The following ST6GALNAC3 variants were observed in gnomAD, a reference collection of about 807,000 sequenced individuals.
ST6GALNAC3 encodes alpha-N-acetylgalactosaminide alpha-2,6-sialyltransferase 3.
Under a neutral mutation model 32.7 loss-of-function variants are expected in ST6GALNAC3, and 25 were observed. That is an observed-to-expected ratio of 0.76 (90% CI 0.56 to 1.07). ST6GALNAC3 has a LOEUF of 1.07. Among genes scored for constraint, ST6GALNAC3 ranks in the 50% least tolerant of loss-of-function variants. The pLI is 0.00. For synonymous variants in ST6GALNAC3, 129 were observed against 133.1 expected, an observed-to-expected ratio of 0.97 and a Z score of 0.21; for missense variants, 355 against 382.4, an observed-to-expected ratio of 0.93 and a Z score of 0.60.
Position 76,082,266 on chromosome 1 carries a change from G to A in ST6GALNAC3, c.18+7382G>A, listed in dbSNP as rs541079830. Among the ~76,000 whole-genome samples, 6 of 152,308 alleles carry A rather than the reference G, an allele frequency of 3.9e-5. 1 individual carries two copies. The highest frequency in any genetic ancestry group is 9.6e-5 in the African/African-American group (4 of 41,564). On this transcript the variant is annotated intron_variant, in intron 1 of 4. Transcript: ENST00000328299. ...CTAATTGGAGGGAGTAGATTTACAA[G>A]TGCTACCTGGATCCCATTACCAAAA... is the stretch of plus-strand genomic sequence containing the variant.
At position 76,599,717 on chromosome 1, in the gene ST6GALNAC3, C is replaced by CTTGTGTGT. The variant is rs1180456019; in HGVS notation, c.624-27735_624-27734insTTGTGTGT. ...TATTTTATTCCTCCCACTACCGTAT[C>CTTGTGTGT]GTGTGTGTGTGTGTGTGTGTGTGTG... On this transcript the variant is annotated intron_variant, in intron 3 of 4. Coordinates refer to ENST00000328299, the MANE Select transcript of ST6GALNAC3 (RefSeq NM_152996.4). Among the ~76,000 whole-genome samples, 231 of 142,104 alleles carry CTTGTGTGT rather than the reference C, an allele frequency of 1.6e-3. 2 individuals carry two copies. The highest frequency in any genetic ancestry group is 5.6e-3 in the African/African-American group (219 of 38,846). The allele number at this position is 142,104 out of a possible 152,430, so 93.2% of individuals were successfully genotyped here. A position where few individuals can be genotyped will look rare whatever the true frequency, so the allele number is the denominator to read the frequency against.
intron 1 of ST6GALNAC3, among the ~76,000 whole-genome samples, chr1:76,146,628 C>G (rs557058369): frequency 3.9e-5 from 6 of 152,020 alleles, no homozygotes; most frequent in Non-Finnish European, 7.4e-5. Context: ...AGGATTTTTT[C>G]TTTTTCCCTC....
chr1:76,544,998 T>C (rs759658431), intron 3 of ST6GALNAC3, among the ~76,000 whole-genome samples: 1 of 152,216 alleles, frequency 6.6e-6, no homozygotes, highest in Non-Finnish European at 1.5e-5. Flanking sequence ...TCCTTATCTT[T>C]CTCATTTTGC....
intron 3 of ST6GALNAC3, among the ~76,000 whole-genome samples, chr1:76,573,937 T>C (rs965410036): frequency 6.6e-6 from 1 of 152,064 alleles, no homozygotes; most frequent in Non-Finnish European, 1.5e-5. Context: ...ATAGATAATT[T>C]TGTCTTTTTC....
At chr1:76,328,352 C>T (rs1253703272) in intron 2 of ST6GALNAC3, among the ~76,000 whole-genome samples, 1 of 152,084 alleles carries the variant, frequency 6.6e-6, no homozygotes, top group Non-Finnish European at 1.5e-5. Flanking sequence ...CATGAGCTAC[C>T]GTTAAACTGA....
chr1:76,081,408 G>A (rs1355948493), intron 1 of ST6GALNAC3, among the ~76,000 whole-genome samples: 1 of 152,096 alleles, frequency 6.6e-6, no homozygotes, highest in Non-Finnish European at 1.5e-5. Flanking sequence ...AAGCTATAGA[G>A]CTTGTCTTTT....
chr1:76,365,077 T>C (rs1487184429), intron 2 of ST6GALNAC3, among the ~76,000 whole-genome samples: 1 of 152,150 alleles, frequency 6.6e-6, no homozygotes, highest in Non-Finnish European at 1.5e-5. Context: ...ACAACCTAAG[T>C]GTTCATCAAT....
At chr1:76,479,596 G>T (rs185899667) in intron 3 of ST6GALNAC3, among the ~76,000 whole-genome samples, 3 of 152,148 alleles carry the variant, frequency 2.0e-5, no homozygotes. Context: ...GATAGAAGGG[G>T]GCCAAACTCA....
At chr1:76,117,471 C>A (rs1235062210) in intron 1 of ST6GALNAC3, among the ~76,000 whole-genome samples, 2 of 152,166 alleles carry the variant, frequency 1.3e-5, no homozygotes, top group African/African-American at 4.8e-5. Flanking sequence ...GGTTTTATTT[C>A]TTTTAGAAGG....
intron 1 of ST6GALNAC3, among the ~76,000 whole-genome samples, chr1:76,165,607 G>C (rs944710379): frequency 5.3e-5 from 8 of 152,078 alleles, no homozygotes; most frequent in African/African-American, 1.7e-4. Context: ...GTCTTCCACA[G>C]TGGTTGAACT....
intron 1 of ST6GALNAC3, among the ~76,000 whole-genome samples, chr1:76,251,093 CT>C (rs960189760): frequency 1.1e-4 from 17 of 151,300 alleles, no homozygotes; most frequent in Non-Finnish European, 2.4e-4. Flanking sequence ...TTCTCCTACC[CT>C]TTTTTTTTAT....
At chr1:76,478,126 T>C (rs1050683827) in intron 3 of ST6GALNAC3, among the ~76,000 whole-genome samples, 6 of 152,164 alleles carry the variant, frequency 3.9e-5, no homozygotes, top group Non-Finnish European at 8.8e-5. Context: ...CCAGGTCTCA[T>C]GAACATGCAC....
chr1:76,544,079 TTATATATA>T (rs3086266), intron 3 of ST6GALNAC3, among the ~76,000 whole-genome samples: 1 of 145,470 alleles, frequency 6.9e-6, no homozygotes, highest in East Asian at 2.0e-4. Context: ...TTAATTACAT[TTATATATA>T]TATATATATA....
intron 2 of ST6GALNAC3, among the ~76,000 whole-genome samples, chr1:76,344,893 C>T (rs907049218): frequency 2.0e-5 from 3 of 152,112 alleles, no homozygotes; most frequent in Non-Finnish European, 4.4e-5. Context: ...TCTCTACTGC[C>T]CTGTTGGCGC....
chr1:76,620,385 C>G (rs1648560092), intron 3 of ST6GALNAC3, among the ~76,000 whole-genome samples: 1 of 152,056 alleles, frequency 6.6e-6, no homozygotes, highest in African/African-American at 2.4e-5. Context: ...TGAGGAGGGT[C>G]TCAGGGGACA....
intron 1 of ST6GALNAC3, among the ~76,000 whole-genome samples, chr1:76,280,841 A>G (rs1414817086): frequency 6.6e-6 from 1 of 152,204 alleles, no homozygotes; most frequent in African/African-American, 2.4e-5. Flanking sequence ...TTACAAATTG[A>G]TCATCAAGGC....
At chr1:76,181,622 T>C (rs1321755712) in intron 1 of ST6GALNAC3, among the ~76,000 whole-genome samples, 1 of 152,220 alleles carries the variant, frequency 6.6e-6, no homozygotes, top group African/African-American at 2.4e-5. Context: ...AATATTCACG[T>C]TACCTAGCTA....
intron 3 of ST6GALNAC3, among the ~76,000 whole-genome samples, chr1:76,510,783 C>T (rs952667203): frequency 2.0e-5 from 3 of 152,132 alleles, no homozygotes; most frequent in Non-Finnish European, 4.4e-5. Flanking sequence ...AATTAGCCTA[C>T]GGTTGGACAA....
chr1:76,112,706 C>T (rs1445028458), intron 1 of ST6GALNAC3, among the ~76,000 whole-genome samples: 4 of 151,024 alleles, frequency 2.6e-5, no homozygotes, highest in Non-Finnish European at 5.9e-5. Flanking sequence ...TCAGACGGGG[C>T]GGCCGGGCAG....
Sources: allele counts gnomAD v4.1 joint callset (sites outside exome capture counted in the v4.1 genomes callset), GRCh38; gene constraint gnomAD v4.1.1; transcripts MANE v1.5; gene names NCBI Gene and HGNC (gene_info 2026-07-23, HGNC 2026-07-21).